C12orf42: variants seen among roughly 807,000 people sequenced by gnomAD.
C12orf42 encodes uncharacterized protein C12orf42.
C12orf42 carries 25 observed loss-of-function variants against 21.6 expected under a neutral mutation model. That is an observed-to-expected ratio of 1.16 (90% CI 0.84 to 1.62). C12orf42 has a LOEUF of 1.62. Ranked by LOEUF, C12orf42 falls within the 40% of genes most tolerant of loss-of-function variation. The pLI is 0.00. For synonymous variants in C12orf42, 174 were observed against 175.0 expected, an observed-to-expected ratio of 0.99 and a Z score of 0.05; for missense variants, 483 against 459.3, an observed-to-expected ratio of 1.05 and a Z score of -0.47.
chr12:103,230,893 A>C, the C12orf42 span, among the ~76,000 whole-genome samples: 2 of 152,040 alleles, frequency 1.3e-5, no homozygotes, highest in Non-Finnish European at 2.9e-5. Context: ...TTTAGTTCAT[A>C]ATTTTTGACC....
At chr12:103,068,110 T>C in the C12orf42 span, among the ~76,000 whole-genome samples, 1 of 152,268 alleles carries the variant, frequency 6.6e-6, no homozygotes. Context: ...GAGTGGGTAG[T>C]AGAAGAAGGT....
rs199545068 is a variant in C12orf42, at chr12:103,480,520, GT to G, written c.-21-2074del. ...TGGGGGCTTATTCTGCTATTCTTGT[GT>G]TTTTAATTCACTGTTTAGTCTTCTT... On this transcript the variant is annotated intron_variant, in intron 1 of 5. Transcript: ENST00000548883. Among the ~76,000 whole-genome samples the G allele has an allele frequency of 6.7e-3, 1,014 of 151,184 alleles. 18 individuals carry two copies. Among genetic ancestry groups the G allele is most frequent in the African/African-American group, 0.023 (965 of 41,384 alleles).
the C12orf42 span, among the ~76,000 whole-genome samples, chr12:103,201,158 A>T: frequency 6.6e-6 from 1 of 152,200 alleles, no homozygotes. Context: ...ATGGAGAAAA[A>T]TTGGGCCCTT....
chr12:103,110,067 G>A, the C12orf42 span, among the ~76,000 whole-genome samples: 1,252 of 152,272 alleles, frequency 8.2e-3, 17 homozygotes, highest in African/African-American at 0.028. Context: ...GTCTGATGAC[G>A]TCAGAGGTTT....
At chr12:103,545,099 T>C in the C12orf42 span, among the ~76,000 whole-genome samples, 1 of 152,246 alleles carries the variant, frequency 6.6e-6, no homozygotes, top group Non-Finnish European at 1.5e-5. Context: ...ATTACCTCTT[T>C]GGATTTTTTC....
intron 2 of C12orf42, among the ~76,000 whole-genome samples, chr12:103,456,426 T>G (rs926883785): frequency 6.6e-6 from 1 of 152,122 alleles, no homozygotes; most frequent in African/African-American, 2.4e-5. Context: ...CATAAAGGCT[T>G]TTGACATAAG....
chr12:103,195,666 G>A, the C12orf42 span, among the ~76,000 whole-genome samples: 1 of 151,896 alleles, frequency 6.6e-6, no homozygotes, highest in Non-Finnish European at 1.5e-5. Flanking sequence ...ATATTTTTAA[G>A]TTGTTTATAG....
the C12orf42 span, among the ~76,000 whole-genome samples, chr12:103,215,423 T>C: frequency 7.3e-5 from 10 of 137,134 alleles, no homozygotes. Context: ...GGACCTCCAC[T>C]TGAGTATCCC....
chr12:103,441,148 A>G (rs948845233), intron 2 of C12orf42, among the ~76,000 whole-genome samples: 1 of 152,166 alleles, frequency 6.6e-6, no homozygotes, highest in East Asian at 1.9e-4. Flanking sequence ...CCTAAGTATT[A>G]TATTTTCCAA....
chr12:103,512,066 G>A, the C12orf42 span, among the ~76,000 whole-genome samples: 5 of 152,316 alleles, frequency 3.3e-5, no homozygotes, highest in South Asian at 8.3e-4. Context: ...TTCCTAAATA[G>A]AGTAGGCATA....
chr12:103,168,601 A>T, the C12orf42 span, among the ~76,000 whole-genome samples: 2 of 152,208 alleles, frequency 1.3e-5, no homozygotes, highest in African/African-American at 4.8e-5. Flanking sequence ...TTGAGTGCTT[A>T]CTAGGTATCA....
chr12:103,394,021 A>T (rs573370691), intron 3 of C12orf42, among the ~76,000 whole-genome samples: 12 of 152,324 alleles, frequency 7.9e-5, no homozygotes, highest in African/African-American at 2.9e-4. Flanking sequence ...AATTATTAGT[A>T]GTTTTGCCAA....
At chr12:103,481,343 G>A (rs1954457544) in intron 1 of C12orf42, among the ~76,000 whole-genome samples, 1 of 151,796 alleles carries the variant, frequency 6.6e-6, no homozygotes, top group South Asian at 2.1e-4. Flanking sequence ...GGAAAAACTT[G>A]TCCTCTAAGA....
intron 3 of C12orf42, among the ~76,000 whole-genome samples, chr12:103,383,689 T>C (rs1317015): frequency 0.69 from 105,027 of 152,076 alleles, 36,390 homozygotes; most frequent in Admixed American, 0.75. Context: ...CAATAAACCA[T>C]AGCCAACATA....
intron 3 of C12orf42, among the ~76,000 whole-genome samples, chr12:103,399,258 G>A (rs1002956815): frequency 2.1e-4 from 32 of 151,462 alleles, no homozygotes; most frequent in Non-Finnish European, 3.2e-4. Context: ...TTTGAACCCC[G>A]AGGACATTTT....
At position 103,326,893 on chromosome 12, in the gene C12orf42, G is replaced by A. The variant is rs571313248; in HGVS notation, c.260-20548C>T. On this transcript the variant is annotated intron_variant, in intron 4 of 5. Coordinates refer to ENST00000548883, the MANE Select transcript of C12orf42 (RefSeq NM_198521.5). ...GTCTGGCTACTGCACTAGAATGTACGCTCCATAAGGCAAGGTCTTTGGCAT... is the reference window on the plus strand; with the variant it reads ...GTCTGGCTACTGCACTAGAATGTACACTCCATAAGGCAAGGTCTTTGGCAT... Among the ~76,000 whole-genome samples, 311 of 152,258 alleles carry A rather than the reference G, an allele frequency of 2.0e-3. 1 individual carries two copies. The highest frequency in any genetic ancestry group is 7.1e-3 in the African/African-American group (293 of 41,546).
intron 2 of C12orf42, among the ~76,000 whole-genome samples, chr12:103,424,904 C>A (rs750846830): frequency 6.6e-6 from 1 of 152,156 alleles, no homozygotes; most frequent in African/African-American, 2.4e-5. Flanking sequence ...CAGATCCCAC[C>A]CCCATGGAAA....
At chr12:103,476,592 TG>T (rs1335931384) in intron 2 of C12orf42, among the ~76,000 whole-genome samples, 7 of 152,212 alleles carry the variant, frequency 4.6e-5, no homozygotes, top group Non-Finnish European at 8.8e-5. Context: ...TTGGTGGGAA[TG>T]GAGAGAAGCA....
intron 4 of C12orf42, among the ~76,000 whole-genome samples, chr12:103,309,915 G>T (rs555057658): frequency 1.8e-4 from 28 of 152,246 alleles, no homozygotes; most frequent in Non-Finnish European, 3.7e-4. Context: ...GCGGATGACA[G>T]AAATGAAATA....
Sources: allele counts gnomAD v4.1 joint callset (sites outside exome capture counted in the v4.1 genomes callset), GRCh38; gene constraint gnomAD v4.1.1; transcripts MANE v1.5; gene names NCBI Gene and HGNC (gene_info 2026-07-23, HGNC 2026-07-21).